ARHGEF37: variants seen among roughly 807,000 people sequenced by gnomAD.
The protein encoded by ARHGEF37 is Rho guanine nucleotide exchange factor 37.
Under a neutral mutation model 71.1 loss-of-function variants are expected in ARHGEF37, and 55 were observed. The ratio of observed to expected loss-of-function variants is 0.77; its 90% CI spans 0.62 to 0.97. The LOEUF is 0.97. ARHGEF37 is among the 50% of genes least tolerant of loss of function. The pLI is 0.00. For missense variants in ARHGEF37, 765 were observed against 836.8 expected (o/e 0.91, Z 1.06); for synonymous variants, 327 against 350.6 (o/e 0.93, Z 0.75).
At chr5:149,589,114 A>G (rs902850803) in intron 1 of ARHGEF37, among the ~76,000 whole-genome samples, 1 of 151,964 alleles carries the variant, frequency 6.6e-6, no homozygotes, top group Non-Finnish European at 1.5e-5. Flanking sequence ...CTGTAGTCCC[A>G]GCTATGTGGG....
intron 12 of ARHGEF37, among the ~76,000 whole-genome samples, chr5:149,629,370 C>T (rs1456472192): frequency 6.6e-6 from 1 of 152,202 alleles, no homozygotes; most frequent in African/African-American, 2.4e-5. Context: ...AAAATAATTT[C>T]ATGACTAACT....
chr5:149,579,424 T>C (rs1476500439), upstream of ARHGEF37, among the ~76,000 whole-genome samples: 1 of 152,180 alleles, frequency 6.6e-6, no homozygotes, highest in Non-Finnish European at 1.5e-5. Context: ...TAGGTTAGAA[T>C]AGACAAAATA....
intron 3 of ARHGEF37, 121 bp downstream of exon 3, chr5:149,601,352 T>G (rs1409640988): frequency 1.6e-6 from 2 of 1,243,474 alleles, no homozygotes; most frequent in East Asian, 5.2e-5. Flanking sequence ...CAGTCTGTTT[T>G]GGGGATCTCC....
chr5:149,628,829 G>A lies in ARHGEF37; in HGVS notation c.1681G>A (p.Ala561Thr), dbSNP rs767920437. 4 of 1,613,358 alleles carry A rather than the reference G, an allele frequency of 2.5e-6. No individual in the cohort carries two copies. The South Asian group carries it at 4.4e-5, about 18-fold the overall frequency. The change falls in exon 12 of 13, where the codon GCT (alanine) becomes ACT (threonine). Residue 561 changes from alanine (A) to threonine (T), a missense_variant. By Grantham distance (58) the Ala-to-Thr change is moderately conservative. Around this residue, in one of 5 missense-constraint regions of ARHGEF37, gnomAD observed 390 missense variants for 407.4 expected, o/e 0.96. Transcript: ENST00000333677. Reference sequence around the variant, plus strand: ...CCTAGGACATCGTGGGTATGTGCCGGCTGGGAAACTACAGCTGTACCATGT... The same window carrying A: ...CCTAGGACATCGTGGGTATGTGCCGACTGGGAAACTACAGCTGTACCATGT... ...DTGGHRGYVP[A>T]GKLQLYHVVP...
At chr5:149,584,168 A>T (rs762192557) in intron 1 of ARHGEF37, among the ~76,000 whole-genome samples, 1 of 152,120 alleles carries the variant, frequency 6.6e-6, no homozygotes, top group Non-Finnish European at 1.5e-5. Flanking sequence ...GCCTGGGCAG[A>T]CTCACTTATC....
intron 2 of ARHGEF37, among the ~76,000 whole-genome samples, chr5:149,598,674 G>A (rs1934978265): frequency 6.6e-6 from 1 of 150,384 alleles, no homozygotes; most frequent in Non-Finnish European, 1.5e-5. Context: ...GGTACCCTGA[G>A]ATAAATCAAT....
At position 149,628,892 on chromosome 5, in the gene ARHGEF37, C is replaced by T. The variant is rs778222314; in HGVS notation, c.1744C>T (p.Leu582=). 4 of 1,613,560 alleles carry T rather than the reference C, an allele frequency of 2.5e-6. No individual in the cohort carries two copies. The African/African-American group carries it at 4.0e-5, about 16-fold the overall frequency. ...AGAGGAGCTCAGAAGGCAGGCGGGG[C>T]TGAACAAAGACCCCCGATGTCTAAC... ...SAEELRRQAG[L]NKDPRCLTPE... The change falls in exon 12 of 13, where the codon CTG becomes TTG. Residue 582 remains leucine (L), a synonymous_variant. Coordinates refer to ENST00000333677, the MANE Select transcript of ARHGEF37 (RefSeq NM_001001669.3).
At chr5:149,587,164 C>T (rs1763263974) in intron 1 of ARHGEF37, among the ~76,000 whole-genome samples, 1 of 152,086 alleles carries the variant, frequency 6.6e-6, no homozygotes, top group South Asian at 2.1e-4. Context: ...TGAGTCATGC[C>T]ATCATTTCAG....
At chr5:149,614,526 C>T (rs1345435232) in intron 4 of ARHGEF37, among the ~76,000 whole-genome samples, 5 of 152,194 alleles carry the variant, frequency 3.3e-5, no homozygotes, top group African/African-American at 7.2e-5. Flanking sequence ...GGAAAGTACG[C>T]GGTCATCTCT....
At chr5:149,609,527 T>G in intron 3 of ARHGEF37, 21 bp from the exon 4 acceptor site, 6 of 1,613,238 alleles carry the variant, frequency 3.7e-6, no homozygotes, top group Non-Finnish European at 4.2e-6. Flanking sequence ...TGACGACCCC[T>G]TGTTGCGTCT....
intron 1 of ARHGEF37, among the ~76,000 whole-genome samples, chr5:149,590,277 T>C (rs1763363755): frequency 6.9e-6 from 1 of 145,654 alleles, no homozygotes; most frequent in East Asian, 2.0e-4. Flanking sequence ...CTGCAGATCA[T>C]TCAACTTTTT....
In ARHGEF37 at chr5:149,609,658, C is replaced by G. The variant is rs749111091; in HGVS notation, c.421C>G (p.Leu141Val). Residue 141 changes from leucine to valine, a missense_variant, in exon 4 of 13, where the codon CTG becomes GTG. This residue lies in a region of ARHGEF37 where 201 missense variants were observed against 217.5 expected (regional missense o/e 0.92). Transcript: ENST00000333677. ...GGACACGTACCGGAAGGAGCCGGAG[C>G]TGCAGCGGCACATCCAGGGCATCGT... ...LVDTYRKEPE[L>V]QRHIQGIVEA... The G allele has an allele frequency of 3.7e-5, 60 of 1,612,678 alleles. 1 individual carries two copies. The highest frequency in any genetic ancestry group is 2.1e-4 in the Middle Eastern group (1 of 4,784).
At chr5:149,568,721 A>T (rs1580883227) in intron 1 of ARHGEF37, among the ~76,000 whole-genome samples, 1 of 150,226 alleles carries the variant, frequency 6.7e-6, no homozygotes, top group African/African-American at 2.4e-5. Flanking sequence ...TGAGGCAGGG[A>T]GAATCGCTGG....
At chr5:149,598,263 C>CTCCTTCTTCTTCTTCT (rs71587782) in intron 2 of ARHGEF37, among the ~76,000 whole-genome samples, 3 of 67,756 alleles carry the variant, frequency 4.4e-5, no homozygotes, top group African/African-American at 1.7e-4. Context: ...CTTAAACTGA[C>CTCCTTCTTCTTCTTCT]TCTTCTTCTT....
chr5:149,593,031 A>C (rs1650606171), intron 1 of ARHGEF37, among the ~76,000 whole-genome samples: 1 of 152,120 alleles, frequency 6.6e-6, no homozygotes, highest in African/African-American at 2.4e-5. Flanking sequence ...CAGCCTTCCA[A>C]AGTGCTGAGA....
intron 1 of ARHGEF37, among the ~76,000 whole-genome samples, chr5:149,583,625 A>T (rs896756144): frequency 1.3e-5 from 2 of 152,232 alleles, no homozygotes; most frequent in African/African-American, 2.4e-5. Flanking sequence ...TCTGCCCTAG[A>T]TCAAATAAAT....
chr5:149,628,888 G>A lies in ARHGEF37; in HGVS notation c.1740G>A (p.Ala580=), dbSNP rs747803721. The change falls in exon 12 of 13, where the codon GCG becomes GCA. Residue 580 remains alanine, a synonymous_variant. Transcript: ENST00000333677. ...GTGCAGAGGAGCTCAGAAGGCAGGC[G>A]GGGCTGAACAAAGACCCCCGATGTC... ...VPSAEELRRQ[A]GLNKDPRCLT... The A allele has an allele frequency of 5.0e-6, 8 of 1,613,548 alleles. No individual in the cohort carries two copies. In the Admixed American group the frequency reaches 6.7e-5, roughly 13 times the overall value.
chr5:149,625,178 T>C (rs1035451134), intron 10 of ARHGEF37, among the ~76,000 whole-genome samples: 1 of 152,176 alleles, frequency 6.6e-6, no homozygotes, highest in East Asian at 1.9e-4. Context: ...GTGTTGGAAT[T>C]ACAGGCGTGA....
chr5:149,565,517 A>G (rs1762887067), intron 1 of ARHGEF37, among the ~76,000 whole-genome samples: 1 of 152,214 alleles, frequency 6.6e-6, no homozygotes, highest in Admixed American at 6.5e-5. Flanking sequence ...AATGGGCAAA[A>G]GCATACTGGC....
Sources: gnomAD v4.1 joint callset for allele counts (sites outside exome capture counted in the v4.1 genomes callset) on GRCh38, gnomAD v4.1.1 for gene constraint, gnomAD v4.1.1 regional missense constraint, MANE v1.5 for transcripts, NCBI Gene and HGNC (gene_info 2026-07-23, HGNC 2026-07-21) for gene names.